DCDC2: variants seen among roughly 807,000 people sequenced by gnomAD.
DCDC2 encodes the protein doublecortin domain-containing protein 2.
Under a neutral mutation model 50.2 loss-of-function variants are expected in DCDC2, and 40 were observed. The ratio of observed to expected loss-of-function variants is 0.80; its 90% confidence interval spans 0.62 to 1.04. The LOEUF (loss-of-function observed/expected upper bound fraction) is 1.04, where lower values mean the gene tolerates loss of function less well. DCDC2 is among the 50% of genes least tolerant of loss of function. DCDC2 has a pLI of 0.00. For missense variants in DCDC2, 570 were observed against 581.9 expected (o/e 0.98, Z 0.21); for synonymous variants, 234 against 210.6 (o/e 1.11, Z -0.96).
chr6:24,380,848 C>T, the DCDC2 span, among the ~76,000 whole-genome samples: 2 of 152,136 alleles, frequency 1.3e-5, no homozygotes, highest in Admixed American at 6.6e-5. Flanking sequence ...AATCCCAGAA[C>T]TGTGGGAGGC....
rs554540846 is a variant in DCDC2, at chr6:24,250,254, C to G, written c.922+27795G>C. Among the ~76,000 whole-genome samples, 19 of 152,182 alleles carry G rather than the reference C, an allele frequency of 1.2e-4. No homozygotes were observed. The South Asian group carries it at 3.7e-3, about 30-fold the overall frequency. On this transcript the variant is annotated intron_variant, in intron 7 of 9. Coordinates refer to ENST00000378454, the MANE Select transcript of DCDC2 (RefSeq NM_016356.5). ...AGTACAAATCGGTAACCTAAAAGCACCAGGCTAAAATCACATGTCAACACC... is the reference window on the plus strand; with the variant it reads ...AGTACAAATCGGTAACCTAAAAGCAGCAGGCTAAAATCACATGTCAACACC...
rs191316351 is a variant in DCDC2 at position 24,331,385 on chromosome 6, T to C, written c.348+22184A>G. Among the ~76,000 whole-genome samples the C allele has an allele frequency of 4.6e-3, 700 of 152,084 alleles. 9 individuals carry two copies. Among genetic ancestry groups the C allele is most frequent in the African/African-American group, 0.014 (583 of 41,500 alleles). On this transcript the variant is annotated intron_variant, in intron 2 of 9. Coordinates refer to ENST00000378454, the MANE Select transcript of DCDC2 (RefSeq NM_016356.5). Reference sequence around the variant, plus strand: ...GCACAATCACAGCTCACTGCAACCTTGATCTCTTGGCCTTAAGCGATCTTC... The same window carrying C: ...GCACAATCACAGCTCACTGCAACCTCGATCTCTTGGCCTTAAGCGATCTTC...
At chr6:24,365,102 T>G in the DCDC2 span, among the ~76,000 whole-genome samples, 1 of 152,120 alleles carries the variant, frequency 6.6e-6, no homozygotes, top group African/African-American at 2.4e-5. Flanking sequence ...GGCTAACCTC[T>G]CCTTCAAATC....
intron 7 of DCDC2, among the ~76,000 whole-genome samples, chr6:24,206,577 G>C (rs149226122): frequency 2.6e-5 from 4 of 152,276 alleles, no homozygotes; most frequent in Admixed American, 2.6e-4. Context: ...CTTACTAAGA[G>C]ACTACAAAGG....
chr6:24,322,263 G>T (rs1019566750), intron 2 of DCDC2, among the ~76,000 whole-genome samples: 1 of 152,050 alleles, frequency 6.6e-6, no homozygotes, highest in Non-Finnish European at 1.5e-5. Context: ...CTATCTAAGG[G>T]GTCTGGGGAG....
intron 7 of DCDC2, among the ~76,000 whole-genome samples, chr6:24,210,420 C>T (rs1264931480): frequency 6.6e-6 from 1 of 152,186 alleles, no homozygotes; most frequent in Admixed American, 6.5e-5. Context: ...CTAAACTGCT[C>T]ATCCCCCAGA....
chr6:24,232,420 C>A (rs1762355098), intron 7 of DCDC2, among the ~76,000 whole-genome samples: 1 of 152,210 alleles, frequency 6.6e-6, no homozygotes, highest in Non-Finnish European at 1.5e-5. Context: ...AAAGTCAACT[C>A]AATCAGCATG....
intron 7 of DCDC2, among the ~76,000 whole-genome samples, chr6:24,273,036 T>G (rs1763273541): frequency 7.0e-6 from 1 of 141,984 alleles, no homozygotes. Flanking sequence ...ACACACACTT[T>G]GTGGGTATGT....
intron 6 of DCDC2, among the ~76,000 whole-genome samples, chr6:24,282,255 G>A (rs994158555): frequency 6.7e-6 from 1 of 149,538 alleles, no homozygotes; most frequent in South Asian, 2.1e-4. Flanking sequence ...TTTTTGTTTT[G>A]TTTTTTTTTG....
chr6:24,358,034 G>T lies in DCDC2; in HGVS notation c.-284C>A, dbSNP rs1276255949. ...GCACCACACCAGGTTCACCTGCTAC[G>T]GGCAGAATCAAGGTGGACAGCTTCT... On this transcript the variant is annotated 5_prime_UTR_variant, in exon 1 of 10. Coordinates refer to ENST00000378454, the MANE Select transcript of DCDC2 (RefSeq NM_016356.5). 9.2e-6 allele frequency: 11 copies of T among 1,189,624 alleles called. No homozygotes were observed. The East Asian group carries it at 2.9e-4, about 31-fold the overall frequency. The allele number at this position is 1,189,624 out of a possible 1,614,324, so 73.7% of individuals were successfully genotyped here. A position where few individuals can be genotyped will look rare whatever the true frequency, so the allele number is the denominator to read the frequency against.
Position 24,178,449 on chromosome 6 carries a change from G to C in DCDC2, c.1207C>G (p.Arg403Gly). ...DHSEQQARPA[R>G]VNGGTDEENG... ...TCCTCATCGGTGCCTCCATTTACAC[G>C]AGCAGGGCGTGCCTGCTGCTCACTG... is the stretch of plus-strand genomic sequence containing the variant. The change falls in exon 9 of 10, where the codon CGT becomes GGT. Residue 403 changes from arginine (R) to glycine (G), a missense_variant. Physicochemically the swap from Arg to Gly is moderately radical, Grantham distance 125. Coordinates refer to ENST00000378454, the MANE Select transcript of DCDC2 (RefSeq NM_016356.5). 6.2e-7 allele frequency: 1 copy of C among 1,614,046 alleles called. No individual in the cohort carries two copies. Among genetic ancestry groups the C allele is most frequent in the Non-Finnish European group, 8.5e-7 (1 of 1,180,026 alleles).
intron 4 of DCDC2, among the ~76,000 whole-genome samples, chr6:24,296,366 T>C (rs1759240839): frequency 6.6e-6 from 1 of 151,990 alleles, no homozygotes; most frequent in East Asian, 1.9e-4. Context: ...CGCAAAACTA[T>C]AAAAGCCCTG....
chr6:24,341,953 C>G (rs1371301025), intron 2 of DCDC2, among the ~76,000 whole-genome samples: 21 of 152,054 alleles, frequency 1.4e-4, no homozygotes, highest in Non-Finnish European at 8.8e-5. Flanking sequence ...CGCGTACACA[C>G]ACACACACAC....
At chr6:24,321,421 C>T (rs1759771943) in intron 2 of DCDC2, among the ~76,000 whole-genome samples, 1 of 152,138 alleles carries the variant, frequency 6.6e-6, no homozygotes, top group African/African-American at 2.4e-5. Context: ...TCACCGTAAC[C>T]AACTGATCAA....
chr6:24,340,807 C>T (rs1015027922), intron 2 of DCDC2, among the ~76,000 whole-genome samples: 2 of 152,176 alleles, frequency 1.3e-5, no homozygotes, highest in African/African-American at 4.8e-5. Flanking sequence ...CTCACCGCAA[C>T]CTCCACCTCC....
At chr6:24,344,787 A>T (rs780367285) in intron 2 of DCDC2, among the ~76,000 whole-genome samples, 9 of 152,248 alleles carry the variant, frequency 5.9e-5, no homozygotes, top group Non-Finnish European at 1.3e-4. Context: ...AATGAAATAT[A>T]GCAGTTGTTC....
At chr6:24,298,536 T>C (rs1581638880) in intron 4 of DCDC2, among the ~76,000 whole-genome samples, 3 of 152,202 alleles carry the variant, frequency 2.0e-5, no homozygotes, top group African/African-American at 7.2e-5. Context: ...CAAATAATTT[T>C]CCTGCTCTAT....
intron 2 of DCDC2, among the ~76,000 whole-genome samples, chr6:24,343,274 C>T (rs577526905): frequency 6.6e-6 from 1 of 152,190 alleles, no homozygotes; most frequent in African/African-American, 2.4e-5. Flanking sequence ...TGGTCTCGAT[C>T]TCCTGACTTC....
At chr6:24,277,148 C>T (rs1249244953) in intron 7 of DCDC2, among the ~76,000 whole-genome samples, 1 of 152,158 alleles carries the variant, frequency 6.6e-6, no homozygotes, top group Non-Finnish European at 1.5e-5. Context: ...TAATGTAACT[C>T]TTCATATCGA....
Sources: allele counts gnomAD v4.1 joint callset (sites outside exome capture counted in the v4.1 genomes callset), GRCh38; gene constraint gnomAD v4.1.1; transcripts MANE v1.5; gene names NCBI Gene and HGNC (gene_info 2026-07-23, HGNC 2026-07-21).